The following KCNIP4 variants were observed in gnomAD, a reference collection of about 807,000 sequenced individuals.
KCNIP4 encodes Kv channel-interacting protein 4.
KCNIP4 carries 12 observed loss-of-function variants against 34.0 expected under a neutral mutation model. The observed-to-expected ratio is 0.35, with a 90% CI of 0.23 to 0.57. The LOEUF (loss-of-function observed/expected upper bound fraction) is 0.57, where lower values mean the gene tolerates loss of function less well. Ranked by LOEUF, KCNIP4 falls within the 20% of genes least tolerant of loss-of-function variation. KCNIP4 has a pLI of 0.83. For missense variants in KCNIP4, 238 were observed against 311.7 expected (o/e 0.76, Z 1.78); for synonymous variants, 124 against 102.2 (o/e 1.21, Z -1.29).
intron 1 of KCNIP4, among the ~76,000 whole-genome samples, chr4:21,089,177 G>C (rs374257090): frequency 2.0e-4 from 30 of 152,244 alleles, no homozygotes; most frequent in East Asian, 1.9e-3. Flanking sequence ...GTTGGAGTAG[G>C]GGCCTGGTGG....
intron 1 of KCNIP4, chr4:20,916,421 A>G (rs1198171303): frequency 2.5e-6 from 2 of 813,360 alleles, no homozygotes; most frequent in African/African-American, 3.7e-5. Flanking sequence ...ATGCACTAAT[A>G]GAAAATATAT....
chr4:21,670,076 T>C (rs182994058), intron 1 of KCNIP4, among the ~76,000 whole-genome samples: 1 of 152,260 alleles, frequency 6.6e-6, no homozygotes, highest in Admixed American at 6.5e-5. Context: ...TTATATAAAA[T>C]ACTCATAAAT....
chr4:21,751,061 C>T (rs1369791234), intron 1 of KCNIP4, among the ~76,000 whole-genome samples: 1 of 152,098 alleles, frequency 6.6e-6, no homozygotes, highest in African/African-American at 2.4e-5. Context: ...TGAGCCTGAT[C>T]TCATGGAAAT....
At chr4:20,898,792 CATCT>C (rs1234621163) in intron 1 of KCNIP4, among the ~76,000 whole-genome samples, 4 of 152,236 alleles carry the variant, frequency 2.6e-5, no homozygotes, top group East Asian at 1.9e-4. Flanking sequence ...ATCTCTATCT[CATCT>C]ATCTATCTAT....
chr4:20,947,048 C>A (rs73242591), intron 1 of KCNIP4, among the ~76,000 whole-genome samples: 3 of 152,208 alleles, frequency 2.0e-5, no homozygotes, highest in East Asian at 1.9e-4. Context: ...ACCTGGCATA[C>A]CTTCTTTGCT....
At chr4:20,783,094 T>G (rs1757006414) in intron 3 of KCNIP4, among the ~76,000 whole-genome samples, 1 of 152,162 alleles carries the variant, frequency 6.6e-6, no homozygotes, top group South Asian at 2.1e-4. Flanking sequence ...TTGCTCTAGT[T>G]CCCAACAAGT....
At chr4:21,439,216 C>A (rs1004792262) in intron 1 of KCNIP4, among the ~76,000 whole-genome samples, 8 of 151,014 alleles carry the variant, frequency 5.3e-5, no homozygotes, top group Non-Finnish European at 1.0e-4. Flanking sequence ...AGGTCCTTGT[C>A]TGGCCATCAC....
chr4:21,216,139 C>A (rs1212613315), intron 1 of KCNIP4, among the ~76,000 whole-genome samples: 1 of 152,182 alleles, frequency 6.6e-6, no homozygotes, highest in Non-Finnish European at 1.5e-5. Flanking sequence ...TGAGAAATGA[C>A]TTTGCGTTGG....
intron 1 of KCNIP4, among the ~76,000 whole-genome samples, chr4:20,999,448 T>G (rs1180912605): frequency 7.7e-6 from 1 of 130,136 alleles, no homozygotes; most frequent in Non-Finnish European, 1.6e-5. Context: ...GTTTTTTTTT[T>G]TTTTTTTTAT....
chr4:20,786,958 A>G (rs1712084862), intron 3 of KCNIP4, among the ~76,000 whole-genome samples: 1 of 152,170 alleles, frequency 6.6e-6, no homozygotes, highest in African/African-American at 2.4e-5. Context: ...GATGACTGGA[A>G]AGAAGTATAA....
At chr4:21,780,542 C>T (rs1218702070) in intron 1 of KCNIP4, among the ~76,000 whole-genome samples, 1 of 152,032 alleles carries the variant, frequency 6.6e-6, no homozygotes, top group Non-Finnish European at 1.5e-5. Flanking sequence ...GGGTACCATG[C>T]TAAACATAAG....
Position 21,622,451 on chromosome 4 carries a change from C to G in KCNIP4, c.61+326120G>C, listed in dbSNP as rs1052511805. On this transcript the variant is annotated intron_variant, in intron 1 of 8. Transcript: ENST00000382152. ...GTGTTCTTCTTTCATTGCAAAATCTCTTATTCCCCAGAGTATTTCAGAAAG... is the reference window on the plus strand; with the variant it reads ...GTGTTCTTCTTTCATTGCAAAATCTGTTATTCCCCAGAGTATTTCAGAAAG... Among the ~76,000 whole-genome samples the G allele has an allele frequency of 2.6e-5, 4 of 152,274 alleles. No individual in the cohort carries two copies. In the South Asian group the frequency reaches 8.3e-4, roughly 32 times the overall value.
chr4:21,560,772 T>C (rs1577597319), intron 1 of KCNIP4, among the ~76,000 whole-genome samples: 1 of 152,154 alleles, frequency 6.6e-6, no homozygotes, highest in Admixed American at 6.6e-5. Context: ...GTTAATAAAG[T>C]TGGGCATATT....
At chr4:21,285,550 C>A (rs922593516) in intron 1 of KCNIP4, among the ~76,000 whole-genome samples, 2 of 152,050 alleles carry the variant, frequency 1.3e-5, no homozygotes, top group African/African-American at 4.8e-5. Flanking sequence ...CAAACAAGGC[C>A]GGGCGTGGTG....
At chr4:21,158,004 T>A (rs1463309864) in intron 1 of KCNIP4, among the ~76,000 whole-genome samples, 1 of 152,052 alleles carries the variant, frequency 6.6e-6, no homozygotes, top group East Asian at 1.9e-4. Flanking sequence ...TAACTACAAA[T>A]TTTTCTGATA....
intron 1 of KCNIP4, among the ~76,000 whole-genome samples, chr4:21,834,109 C>T (rs926451879): frequency 4.0e-5 from 6 of 151,264 alleles, no homozygotes; most frequent in African/African-American, 1.2e-4. Flanking sequence ...TTTAAAGTAG[C>T]TTTTTCCAAT....
intron 3 of KCNIP4, among the ~76,000 whole-genome samples, chr4:20,786,635 T>C (rs573143934): frequency 6.6e-6 from 1 of 152,274 alleles, no homozygotes; most frequent in African/African-American, 2.4e-5. Context: ...TTCTGTCCTG[T>C]TCTCTTACGA....
chr4:20,798,498 C>A (rs184180657), intron 3 of KCNIP4, among the ~76,000 whole-genome samples: 179 of 140,632 alleles, frequency 1.3e-3, no homozygotes, highest in African/African-American at 4.9e-3. Flanking sequence ...TTCTTTCTAC[C>A]ACACACACAC....
chr4:21,572,357 T>C (rs1463701456), intron 1 of KCNIP4, among the ~76,000 whole-genome samples: 14 of 152,194 alleles, frequency 9.2e-5, no homozygotes, highest in Admixed American at 9.2e-4. Flanking sequence ...TCCTGTATTC[T>C]TCCTGTAACG....
Sources: allele counts gnomAD v4.1 joint callset (sites outside exome capture counted in the v4.1 genomes callset), GRCh38; gene constraint gnomAD v4.1.1; transcripts MANE v1.5; gene names NCBI Gene and HGNC (gene_info 2026-07-23, HGNC 2026-07-21).